Variants in AGTPBP1 observed in about 807,000 individuals in gnomAD.
AGTPBP1 encodes ATP/GTP binding carboxypeptidase 1.
AGTPBP1 carries 70 observed loss-of-function variants against 143.9 expected under a neutral mutation model. That is an observed-to-expected ratio of 0.49 (90% confidence interval 0.40 to 0.59). AGTPBP1 has a LOEUF of 0.59. Among genes scored for constraint, AGTPBP1 ranks in the 20% least tolerant of loss-of-function variants. The pLI is 0.00. For missense variants in AGTPBP1, 1,229 were observed against 1,464.5 expected, an observed-to-expected ratio of 0.84 and a Z score of 2.62; for synonymous variants, 463 against 500.2, an observed-to-expected ratio of 0.93 and a Z score of 0.99.
chr9:85,603,460 T>TTCA (rs1829796036), intron 17 of AGTPBP1, among the ~76,000 whole-genome samples: 1 of 152,082 alleles, frequency 6.6e-6, no homozygotes, highest in African/African-American at 2.4e-5. Flanking sequence ...CCTGGCAGGA[T>TTCA]TCATTACCTG....
At chr9:85,696,493 C>T (rs1361156933) in intron 2 of AGTPBP1, among the ~76,000 whole-genome samples, 1 of 152,030 alleles carries the variant, frequency 6.6e-6, no homozygotes. Context: ...CACGGTGAAA[C>T]CCCATCTCTA....
At chr9:85,558,772 C>T (rs1467450486) in intron 25 of AGTPBP1, among the ~76,000 whole-genome samples, 1 of 152,124 alleles carries the variant, frequency 6.6e-6, no homozygotes, top group Non-Finnish European at 1.5e-5. Flanking sequence ...GCACCTGTCA[C>T]CAGGCCAGGC....
At chr9:85,741,637 C>T (rs1265698934) in intron 1 of AGTPBP1, 138 bp downstream of exon 1, 7 of 1,245,004 alleles carry the variant, frequency 5.6e-6, no homozygotes, top group Non-Finnish European at 6.0e-6. Context: ...ACATGCGTTA[C>T]ACAACCCGTC....
chr9:85,664,382 T>C (rs895694815), intron 8 of AGTPBP1, among the ~76,000 whole-genome samples: 1 of 152,152 alleles, frequency 6.6e-6, no homozygotes, highest in Non-Finnish European at 1.5e-5. Context: ...CGTGTTGGTG[T>C]TGGTATAAAG....
intron 25 of AGTPBP1, among the ~76,000 whole-genome samples, chr9:85,554,699 G>A (rs534203947): frequency 2.6e-5 from 4 of 152,226 alleles, no homozygotes; most frequent in East Asian, 1.9e-4. Context: ...ATAATACCTG[G>A]CATCTGATCA....
intron 18 of AGTPBP1, among the ~76,000 whole-genome samples, chr9:85,595,893 A>G (rs958296268): frequency 6.6e-6 from 1 of 152,214 alleles, no homozygotes; most frequent in Non-Finnish European, 1.5e-5. Context: ...AACTGTGTTA[A>G]GCTGATGTAC....
the AGTPBP1 span, among the ~76,000 whole-genome samples, chr9:85,747,758 G>A: frequency 0.044 from 6,636 of 151,974 alleles, 218 homozygotes; most frequent in African/African-American, 0.093. Flanking sequence ...AGTTAAGAGG[G>A]CAAAAATCAG....
intron 25 of AGTPBP1, among the ~76,000 whole-genome samples, chr9:85,550,217 GAA>G (rs1491252052): frequency 3.9e-5 from 6 of 151,924 alleles, no homozygotes; most frequent in Admixed American, 1.3e-4. Context: ...GAGAGAGAGA[GAA>G]AGATATCAGG....
chr9:85,796,731 T>C, the AGTPBP1 span, among the ~76,000 whole-genome samples: 9,318 of 152,084 alleles, frequency 0.061, 931 homozygotes, highest in African/African-American at 0.21. Context: ...ATGCCTGTAT[T>C]AGAACATCTC....
At chr9:85,740,626 C>G (rs1244171609) in intron 1 of AGTPBP1, among the ~76,000 whole-genome samples, 1 of 152,134 alleles carries the variant, frequency 6.6e-6, no homozygotes, top group Non-Finnish European at 1.5e-5. Context: ...TCTCAGACAA[C>G]CAGTTTATAA....
chr9:85,611,929 C>CCAA (rs1168801908), intron 17 of AGTPBP1, among the ~76,000 whole-genome samples: 1 of 152,158 alleles, frequency 6.6e-6, no homozygotes, highest in Non-Finnish European at 1.5e-5. Flanking sequence ...ATCTACCCAC[C>CCAA]TCAGCCTCCC....
intron 12 of AGTPBP1, among the ~76,000 whole-genome samples, chr9:85,644,894 T>C (rs910737807): frequency 1.3e-5 from 2 of 152,010 alleles, no homozygotes; most frequent in Admixed American, 1.3e-4. Flanking sequence ...GTAAAGTCAA[T>C]GAGAGTAAGA....
intron 14 of AGTPBP1, among the ~76,000 whole-genome samples, chr9:85,625,390 T>G (rs1831206748): frequency 6.6e-6 from 1 of 152,190 alleles, no homozygotes; most frequent in South Asian, 2.1e-4. Context: ...ATGTGGAAAA[T>G]GATATCTCAG....
Position 85,592,650 on chromosome 9 carries a change from G to A in AGTPBP1, c.2478C>T (p.Tyr826=). The change falls in exon 19 of 26, where the codon TAC becomes TAT. Residue 826 remains tyrosine, a synonymous_variant. Transcript: ENST00000357081. ...VAAGGQKGKS[Y]YTITFTVNFP... is the part of the protein sequence containing the mutation. ...AATTGACAGTAAATGTAATTGTATAGTAGGATTTTCCCTTTTGCCCACCTG... is the reference window on the plus strand; with the variant it reads ...AATTGACAGTAAATGTAATTGTATAATAGGATTTTCCCTTTTGCCCACCTG... 4 of 1,611,654 alleles carry A rather than the reference G, an allele frequency of 2.5e-6. No individual in the cohort carries two copies. The highest frequency in any genetic ancestry group is 3.4e-6 in the Non-Finnish European group (4 of 1,179,106).
intron 13 of AGTPBP1, among the ~76,000 whole-genome samples, chr9:85,639,976 C>T (rs558765291): frequency 4.6e-5 from 7 of 152,252 alleles, no homozygotes; most frequent in African/African-American, 2.4e-5. Flanking sequence ...CAGCTGGAAA[C>T]AAAGCAGGCG....
At chr9:85,668,303 A>G (rs1834255142) in intron 8 of AGTPBP1, among the ~76,000 whole-genome samples, 1 of 152,032 alleles carries the variant, frequency 6.6e-6, no homozygotes, top group Non-Finnish European at 1.5e-5. Flanking sequence ...TTTTGAGACA[A>G]CTGGAGAAAA....
At chr9:85,689,140 A>G (rs774886494) in intron 3 of AGTPBP1, among the ~76,000 whole-genome samples, 3 of 152,202 alleles carry the variant, frequency 2.0e-5, no homozygotes, top group Non-Finnish European at 2.9e-5. Flanking sequence ...TGTTTCAACT[A>G]TAATTTTTTT....
intron 13 of AGTPBP1, among the ~76,000 whole-genome samples, chr9:85,640,838 A>T (rs978467135): frequency 4.6e-5 from 7 of 152,240 alleles, no homozygotes; most frequent in African/African-American, 9.6e-5. Flanking sequence ...TTCCCAAATC[A>T]AAACTACAAT....
the AGTPBP1 span, among the ~76,000 whole-genome samples, chr9:85,770,824 C>T: frequency 6.6e-6 from 1 of 151,918 alleles, no homozygotes; most frequent in Admixed American, 6.6e-5. Context: ...TTCTACCTGG[C>T]ACTCATGAAA....
Sources: gnomAD v4.1 joint callset for allele counts (sites outside exome capture counted in the v4.1 genomes callset) on GRCh38, gnomAD v4.1.1 for gene constraint, MANE v1.5 for transcripts, NCBI Gene and HGNC (gene_info 2026-07-23, HGNC 2026-07-21) for gene names.